The following CMKLR2 variants were observed in gnomAD, a reference collection of about 807,000 sequenced individuals.
CMKLR2 encodes the protein chemerin chemokine-like receptor 2.
CMKLR2 carries 18 observed loss-of-function variants against 23.0 expected under a neutral mutation model. The observed-to-expected ratio is 0.78, with a 90% CI of 0.54 to 1.16. The LOEUF (loss-of-function observed/expected upper bound fraction) is 1.16, where lower values mean the gene tolerates loss of function less well. Ranked by LOEUF, CMKLR2 falls within the 50% of genes most tolerant of loss-of-function variation. The pLI, the probability that CMKLR2 is intolerant of heterozygous loss-of-function variation, is 0.00. For synonymous variants in CMKLR2, 158 were observed against 158.9 expected (o/e 0.99, Z 0.05); for missense variants, 401 against 412.7 (o/e 0.97, Z 0.25).
At chr2:206,215,526 A>C (rs1158886568), upstream of CMKLR2, among the ~76,000 whole-genome samples, 1 of 152,220 alleles carries the variant, frequency 6.6e-6, no homozygotes, top group African/African-American at 2.4e-5. Context: ...CACAGTACAC[A>C]CTGAAACCCA....
intron 1 of CMKLR2, among the ~76,000 whole-genome samples, chr2:206,207,728 C>CTGTTTTT (rs1689382428): frequency 2.3e-5 from 1 of 43,582 alleles, no homozygotes; most frequent in African/African-American, 1.2e-4. Context: ...ACCTCAGGGC[C>CTGTTTTT]TTTTTTTTTT....
chr2:206,186,880 A>T (rs984650688), intron 1 of CMKLR2, among the ~76,000 whole-genome samples: 7 of 149,678 alleles, frequency 4.7e-5, no homozygotes, highest in African/African-American at 1.7e-4. Context: ...GCAGTAACCC[A>T]GTTACCCTGA....
chr2:206,208,781 C>T (rs1237389088), intron 1 of CMKLR2, among the ~76,000 whole-genome samples: 2 of 151,972 alleles, frequency 1.3e-5, no homozygotes, highest in Non-Finnish European at 2.9e-5. Context: ...CTAGGACCTC[C>T]TGCCTCAGCT....
chr2:206,212,688 C>A (rs1022796692), intron 1 of CMKLR2, among the ~76,000 whole-genome samples: 3 of 152,158 alleles, frequency 2.0e-5, no homozygotes, highest in African/African-American at 7.2e-5. Context: ...AGCCCAGATA[C>A]CAATTATTCT....
At chr2:206,195,131 A>G (rs1278107363) in intron 1 of CMKLR2, among the ~76,000 whole-genome samples, 6 of 152,168 alleles carry the variant, frequency 3.9e-5, no homozygotes, top group Non-Finnish European at 8.8e-5. Flanking sequence ...CTCATGGCCA[A>G]TCTATATTTG....
At position 206,209,943 on chromosome 2, in the gene CMKLR2, C is replaced by T. The variant is rs566530715; in HGVS notation, c.-29+3364G>A. Among the ~76,000 whole-genome samples the T allele has an allele frequency of 1.0e-4, 15 of 148,700 alleles. No homozygotes were observed. The South Asian group carries it at 1.7e-3, about 17-fold the overall frequency. ...GATTACAGGCGTGAGCCACTGCGCC[C>T]GGCCCTTTTCTTTCTTTTCTTTCTT... On this transcript the variant is annotated intron_variant, in intron 1 of 1. Transcript: ENST00000621141.
chr2:206,193,757 A>T (rs1047153264), intron 1 of CMKLR2, among the ~76,000 whole-genome samples: 2 of 152,224 alleles, frequency 1.3e-5, no homozygotes, highest in Non-Finnish European at 2.9e-5. Flanking sequence ...GCTAAAAATG[A>T]CTATGTCTGA....
chr2:206,189,377 A>G (rs758343762), intron 1 of CMKLR2, among the ~76,000 whole-genome samples: 63 of 152,140 alleles, frequency 4.1e-4, no homozygotes, highest in Middle Eastern at 3.2e-3. Context: ...GCTCACGCCT[A>G]TAATCCCAGC....
upstream of CMKLR2, among the ~76,000 whole-genome samples, chr2:206,215,476 A>T (rs1258327450): frequency 1.3e-5 from 2 of 152,218 alleles, no homozygotes. Context: ...GAGAAATGAC[A>T]TTGATCAAGG....
intron 1 of CMKLR2, among the ~76,000 whole-genome samples, chr2:206,192,306 A>T (rs1054348274): frequency 1.2e-4 from 18 of 146,792 alleles, no homozygotes; most frequent in South Asian, 4.3e-4. Context: ...AAATTTATTT[A>T]TTTTTTTTTT....
intron 1 of CMKLR2, among the ~76,000 whole-genome samples, chr2:206,212,200 A>G (rs1297922399): frequency 1.3e-5 from 2 of 152,216 alleles, no homozygotes; most frequent in African/African-American, 4.8e-5. Flanking sequence ...TCTCAGGGAC[A>G]TGACAATTAG....
intron 1 of CMKLR2, among the ~76,000 whole-genome samples, chr2:206,194,913 C>T (rs1057407677): frequency 1.3e-5 from 2 of 151,932 alleles, no homozygotes; most frequent in Non-Finnish European, 2.9e-5. Context: ...GCCACAAAGC[C>T]TGGCTAATTT....
At chr2:206,206,993 G>T (rs1341958920) in intron 1 of CMKLR2, among the ~76,000 whole-genome samples, 1 of 148,608 alleles carries the variant, frequency 6.7e-6, no homozygotes, top group Non-Finnish European at 1.5e-5. Flanking sequence ...ACTCCTGAGA[G>T]GTGTGTTCAA....
intron 1 of CMKLR2, among the ~76,000 whole-genome samples, chr2:206,206,327 T>A (rs923557792): frequency 2.0e-5 from 3 of 152,226 alleles, no homozygotes; most frequent in Admixed American, 6.5e-5. Flanking sequence ...GAGAGTCACA[T>A]TGGGGGACAA....
chr2:206,212,455 G>A (rs1297843205), intron 1 of CMKLR2, among the ~76,000 whole-genome samples: 1 of 151,530 alleles, frequency 6.6e-6, no homozygotes, highest in Non-Finnish European at 1.5e-5. Flanking sequence ...TGGATTCTTG[G>A]GTGAATGAGT....
At chr2:206,214,632 A>T (rs1014238746), upstream of CMKLR2, among the ~76,000 whole-genome samples, 1 of 146,750 alleles carries the variant, frequency 6.8e-6, no homozygotes, top group African/African-American at 2.5e-5. Flanking sequence ...TTTTATTATT[A>T]TTTTTTTTTG....
At chr2:206,207,728 C>CTTTTTTATTTTTTTTTTTTTTTT (rs1689383388) in intron 1 of CMKLR2, among the ~76,000 whole-genome samples, 1 of 43,582 alleles carries the variant, frequency 2.3e-5, no homozygotes, top group African/African-American at 1.2e-4. Context: ...ACCTCAGGGC[C>CTTTTTTATTTTTTTTTTTTTTTT]TTTTTTTTTT....
chr2:206,176,855 G>C lies in CMKLR2; in HGVS notation c.393C>G (p.Ile131Met), dbSNP rs539447013. ...TCAAGTGGATATAGTGGTCCAGGCT[G>C]ATCACTGTCAGGAAAAAAACACTGG... Reference protein sequence around the residue: ...MFASVFFLTVISLDHYIHLIH... With the variant: ...MFASVFFLTVMSLDHYIHLIH... Residue 131 changes from isoleucine to methionine, a missense_variant, in exon 2 of 2, where the codon ATC becomes ATG. Transcript: ENST00000621141. 1 of 1,614,182 alleles carries C rather than the reference G, an allele frequency of 6.2e-7. No homozygotes were observed. Among genetic ancestry groups the C allele is most frequent in the Admixed American group, 1.7e-5 (1 of 59,998 alleles).
At chr2:206,203,818 T>C (rs1391030526) in intron 1 of CMKLR2, 1 of 152,234 alleles carries the variant, frequency 6.6e-6, no homozygotes, top group East Asian at 1.9e-4. Flanking sequence ...TCCTGTTTTC[T>C]TATTTGTAGG....
Sources: allele counts gnomAD v4.1 joint callset (sites outside exome capture counted in the v4.1 genomes callset), GRCh38; gene constraint gnomAD v4.1.1; transcripts MANE v1.5; gene names NCBI Gene and HGNC (gene_info 2026-07-23, HGNC 2026-07-21).